HPSE2: variants seen among roughly 807,000 people sequenced by gnomAD.
HPSE2 encodes the protein inactive heparanase-2.
A neutral mutation model predicts 60.5 loss-of-function variants in HPSE2; 38 were observed. That is an observed-to-expected ratio of 0.63 (90% CI 0.48 to 0.82). The LOEUF is 0.82. Among genes scored for constraint, HPSE2 ranks in the 40% least tolerant of loss-of-function variants. HPSE2 has a pLI of 0.00. For missense variants in HPSE2, 713 were observed against 740.4 expected, an observed-to-expected ratio of 0.96 and a Z score of 0.43; for synonymous variants, 295 against 293.2, an observed-to-expected ratio of 1.01 and a Z score of -0.06.
In HPSE2 at chr10:99,043,838, T is replaced by TA. The variant is rs1277241545; in HGVS notation, c.610+100399dup. On this transcript the variant is annotated intron_variant, in intron 3 of 11. Coordinates refer to ENST00000370552, the MANE Select transcript of HPSE2 (RefSeq NM_021828.5). ...ATAAAGAAGAAAGAATTTTTAAAAA[T>TA]AAAAAAAACTCCAAGAAATATGAGA... Among the ~76,000 whole-genome samples the TA allele has an allele frequency of 4.6e-5, 7 of 151,644 alleles. No individual in the cohort carries two copies. The East Asian group carries it at 5.8e-4, about 13-fold the overall frequency.
At chr10:98,678,230 TC>T (rs5787297) in intron 6 of HPSE2, among the ~76,000 whole-genome samples, 136,620 of 152,152 alleles carry the variant, frequency 0.9, 62,513 homozygotes, top group Non-Finnish European at 1. Context: ...AAAGGCCAAT[TC>T]CCCAGGACAA....
chr10:98,943,981 T>G (rs1462661944), intron 3 of HPSE2, among the ~76,000 whole-genome samples: 1 of 152,160 alleles, frequency 6.6e-6, no homozygotes, highest in African/African-American at 2.4e-5. Flanking sequence ...AGTAGTCTGT[T>G]ACACAGAAAT....
At chr10:99,021,585 T>C (rs2135426782) in intron 3 of HPSE2, among the ~76,000 whole-genome samples, 1 of 152,100 alleles carries the variant, frequency 6.6e-6, no homozygotes, top group South Asian at 2.1e-4. Context: ...AAAAAATACA[T>C]AAATGTAATA....
chr10:98,635,648 A>G (rs994430452), intron 7 of HPSE2, among the ~76,000 whole-genome samples: 1 of 152,010 alleles, frequency 6.6e-6, no homozygotes, highest in African/African-American at 2.4e-5. Context: ...CAGGTGTGGT[A>G]GCGTGGGCTT....
At chr10:98,676,676 T>A (rs763508133) in intron 6 of HPSE2, among the ~76,000 whole-genome samples, 1 of 152,160 alleles carries the variant, frequency 6.6e-6, no homozygotes, top group Non-Finnish European at 1.5e-5. Flanking sequence ...CACTGTTCAC[T>A]GACTAGGGGG....
chr10:99,272,419 G>A, the HPSE2 span, among the ~76,000 whole-genome samples: 1 of 151,942 alleles, frequency 6.6e-6, no homozygotes, highest in Admixed American at 6.6e-5. Context: ...CAAAAACAAA[G>A]ATAAATACAT....
intron 3 of HPSE2, among the ~76,000 whole-genome samples, chr10:98,938,496 A>G (rs918755593): frequency 6.9e-6 from 1 of 144,246 alleles, no homozygotes; most frequent in African/African-American, 2.8e-5. Context: ...TCAGTGATGG[A>G]AGATGAAATG....
At chr10:98,809,886 C>A (rs899606345) in intron 3 of HPSE2, among the ~76,000 whole-genome samples, 1 of 152,114 alleles carries the variant, frequency 6.6e-6, no homozygotes, top group Non-Finnish European at 1.5e-5. Flanking sequence ...GGACTGCCTT[C>A]TGTTACTTTC....
At chr10:98,616,708 A>G (rs1945920899) in intron 8 of HPSE2, among the ~76,000 whole-genome samples, 1 of 152,226 alleles carries the variant, frequency 6.6e-6, no homozygotes, top group African/African-American at 2.4e-5. Context: ...AAAGTTTTAA[A>G]TCAAAAGGGA....
intron 9 of HPSE2, among the ~76,000 whole-genome samples, chr10:98,576,518 A>G (rs1179533875): frequency 6.6e-6 from 1 of 152,170 alleles, no homozygotes; most frequent in Non-Finnish European, 1.5e-5. Flanking sequence ...TGTTACAGCC[A>G]GCAAAAGAGG....
chr10:98,589,300 T>C lies in HPSE2; in HGVS notation c.1320+25604A>G, dbSNP rs111961272. 4.2e-3 allele frequency among the ~76,000 whole-genome samples: 646 copies of C among 152,332 alleles called. 3 individuals are homozygous for C. Among genetic ancestry groups the C allele is most frequent in the African/African-American group, 0.015 (624 of 41,572 alleles). The stretch of plus-strand genomic sequence containing the variant: ...TCTGTGAGGTGCATAAATGCAGCAC[T>C]GACAGTTGAGTGAGCTGCTGAATAA... On this transcript the variant is annotated intron_variant, in intron 9 of 11. Coordinates refer to ENST00000370552, the MANE Select transcript of HPSE2 (RefSeq NM_021828.5).
At chr10:99,291,847 T>C in the HPSE2 span, among the ~76,000 whole-genome samples, 131 of 152,218 alleles carry the variant, frequency 8.6e-4, no homozygotes, top group Admixed American at 1.8e-3. Flanking sequence ...TTTAGTTATT[T>C]AGTTATAAAA....
intron 3 of HPSE2, among the ~76,000 whole-genome samples, chr10:99,079,306 C>T (rs1212102415): frequency 6.6e-6 from 1 of 152,054 alleles, no homozygotes; most frequent in Admixed American, 6.6e-5. Context: ...CATCTGCTTG[C>T]TCTGTGTAGA....
At chr10:99,026,780 C>T (rs1056121871) in intron 3 of HPSE2, among the ~76,000 whole-genome samples, 2 of 151,940 alleles carry the variant, frequency 1.3e-5, no homozygotes, top group African/African-American at 2.4e-5. Flanking sequence ...TCTTCCCTGA[C>T]CACAATAGAA....
chr10:99,277,168 T>C, the HPSE2 span, among the ~76,000 whole-genome samples: 1 of 152,140 alleles, frequency 6.6e-6, no homozygotes, highest in Non-Finnish European at 1.5e-5. Context: ...CGTGGGGATA[T>C]AAATAACATA....
chr10:98,795,254 A>T (rs900470551), intron 3 of HPSE2, among the ~76,000 whole-genome samples: 13 of 152,340 alleles, frequency 8.5e-5, no homozygotes, highest in Admixed American at 8.5e-4. Context: ...AACTTCATAT[A>T]ACTGAAAAGA....
intron 3 of HPSE2, among the ~76,000 whole-genome samples, chr10:99,113,292 C>T (rs1244255287): frequency 3.3e-5 from 5 of 152,160 alleles, no homozygotes; most frequent in Admixed American, 3.3e-4. Context: ...AAAACTAGTA[C>T]ATGGTAAATA....
chr10:99,182,665 T>C (rs887360794), intron 2 of HPSE2, among the ~76,000 whole-genome samples: 6 of 152,114 alleles, frequency 3.9e-5, no homozygotes, highest in Non-Finnish European at 8.8e-5. Flanking sequence ...CCAGTAATTA[T>C]GGAATAACAG....
chr10:99,031,750 T>C (rs945489005), intron 3 of HPSE2, among the ~76,000 whole-genome samples: 1 of 152,200 alleles, frequency 6.6e-6, no homozygotes, highest in African/African-American at 2.4e-5. Flanking sequence ...AGTGTAATAT[T>C]GGAAGACACA....
Sources: gnomAD v4.1 joint callset for allele counts (sites outside exome capture counted in the v4.1 genomes callset) on GRCh38, gnomAD v4.1.1 for gene constraint, MANE v1.5 for transcripts, NCBI Gene and HGNC (gene_info 2026-07-23, HGNC 2026-07-21) for gene names.